The following RYR3 variants were observed in gnomAD, a reference collection of about 807,000 sequenced individuals.
The protein encoded by RYR3 is ryanodine receptor 3.
Under a neutral mutation model 584.3 loss-of-function variants are expected in RYR3, and 207 were observed. The observed-to-expected ratio is 0.35, with a 90% CI of 0.32 to 0.40. RYR3 has a LOEUF of 0.40. RYR3 is among the 10% of genes least tolerant of loss of function. The probability of loss-of-function intolerance (pLI) is 1.00; values close to 1 mark genes in which losing one functional copy is unlikely to be tolerated. For missense variants in RYR3, 5,616 were observed against 6,089.2 expected, an observed-to-expected ratio of 0.92 and a Z score of 2.59; for synonymous variants, 2,416 against 2,248.5, an observed-to-expected ratio of 1.07 and a Z score of -2.11.
chr15:33,707,067 T>G lies in RYR3; in HGVS notation c.6619+13T>G. On this transcript the variant is annotated intron_variant, in intron 43 of 103. Coordinates refer to ENST00000634891, the MANE Select transcript of RYR3 (RefSeq NM_001036.6). Reference sequence around the variant, plus strand: ...GTCTTCGTGAACAGTGAGTCCCACATTTTTCCATACCTCTTATACCCAGAA... The same window carrying G: ...GTCTTCGTGAACAGTGAGTCCCACAGTTTTCCATACCTCTTATACCCAGAA... 1 of 1,613,388 alleles carries G rather than the reference T, an allele frequency of 6.2e-7. No individual in the cohort carries two copies. Among genetic ancestry groups the G allele is most frequent in the Non-Finnish European group, 8.5e-7 (1 of 1,179,474 alleles).
intron 24 of RYR3, among the ~76,000 whole-genome samples, chr15:33,634,151 A>G (rs1311781697): frequency 6.6e-6 from 1 of 152,116 alleles, no homozygotes. Context: ...TCCCGGGTTC[A>G]AGTGATTCTC....
At chr15:33,839,061 C>CT (rs1722752579) in intron 89 of RYR3, 103 bp downstream of exon 89, 1 of 1,366,690 alleles carries the variant, frequency 7.3e-7, no homozygotes, top group Non-Finnish European at 9.9e-7. Flanking sequence ...AGCCAACACT[C>CT]TATGTTAGAC....
chr15:33,743,335 A>G (rs1387384506), intron 52 of RYR3, among the ~76,000 whole-genome samples: 1 of 152,194 alleles, frequency 6.6e-6, no homozygotes, highest in African/African-American at 2.4e-5. Context: ...GAGTTGGCAA[A>G]TCTGTTCTGT....
intron 8 of RYR3, among the ~76,000 whole-genome samples, chr15:33,545,797 A>G (rs538474637): frequency 1.1e-4 from 17 of 152,266 alleles, no homozygotes; most frequent in African/African-American, 3.8e-4. Flanking sequence ...AGCAGCCACT[A>G]AGGCATGCAG....
intron 3 of RYR3, among the ~76,000 whole-genome samples, chr15:33,509,388 T>A (rs1393713034): frequency 6.6e-6 from 1 of 152,210 alleles, no homozygotes. Flanking sequence ...CCATCCAGAT[T>A]TAGCATCTCA....
chr15:33,434,175 T>C (rs1328484375), intron 1 of RYR3, among the ~76,000 whole-genome samples: 1 of 152,232 alleles, frequency 6.6e-6, no homozygotes, highest in Non-Finnish European at 1.5e-5. Context: ...TCCTAAGTTG[T>C]GCCTGAGAGA....
chr15:33,444,444 G>A (rs1417735908), intron 1 of RYR3, among the ~76,000 whole-genome samples: 2 of 152,198 alleles, frequency 1.3e-5, no homozygotes, highest in East Asian at 3.9e-4. Flanking sequence ...GGTTATGTTT[G>A]TTCAGTGGCT....
intron 64 of RYR3, among the ~76,000 whole-genome samples, 175 bp from the exon 65 acceptor site, chr15:33,780,036 A>G (rs1451316258): frequency 1.3e-5 from 2 of 152,160 alleles, no homozygotes; most frequent in Non-Finnish European, 1.5e-5. Flanking sequence ...GGATCTAAGC[A>G]GTGAGAGCAT....
chr15:33,407,717 G>A (rs886577741), intron 1 of RYR3, among the ~76,000 whole-genome samples: 1 of 152,146 alleles, frequency 6.6e-6, no homozygotes, highest in African/African-American at 2.4e-5. Flanking sequence ...CTTGACCTAT[G>A]GTAGTGGAAG....
intron 22 of RYR3, among the ~76,000 whole-genome samples, 172 bp from the exon 23 acceptor site, chr15:33,631,038 T>A (rs1170041872): frequency 6.6e-6 from 1 of 152,178 alleles, no homozygotes; most frequent in Non-Finnish European, 1.5e-5. Flanking sequence ...GACAGAGACA[T>A]ATGGCTCACA....
intron 43 of RYR3, among the ~76,000 whole-genome samples, chr15:33,721,725 G>A (rs1285740195): frequency 6.6e-6 from 1 of 152,076 alleles, no homozygotes; most frequent in South Asian, 2.1e-4. Context: ...TTGGCTCAGA[G>A]ATGAATTCTC....
chr15:33,401,141 CT>C (rs2141373493), intron 1 of RYR3, among the ~76,000 whole-genome samples: 1 of 152,246 alleles, frequency 6.6e-6, no homozygotes, highest in Non-Finnish European at 1.5e-5. Context: ...ATTTAGCGGT[CT>C]CTTCTGCTCG....
intron 76 of RYR3, 49 bp downstream of exon 76, chr15:33,818,733 T>C: frequency 7.5e-7 from 1 of 1,339,882 alleles, no homozygotes; most frequent in Non-Finnish European, 1.1e-6. Flanking sequence ...GGGATACTTG[T>C]GTCCACTCCT....
rs568303894 is a variant in RYR3, at chr15:33,620,370, G to A, written c.2358-3437G>A. 6.6e-4 allele frequency among the ~76,000 whole-genome samples: 100 copies of A among 152,256 alleles called. 1 individual carries two copies. The highest frequency in any genetic ancestry group is 1.2e-3 in the Non-Finnish European group (81 of 68,020). On this transcript the variant is annotated intron_variant, in intron 19 of 103. Transcript: ENST00000634891. ...TTCTCCCTAAAAGTTCTCTCCAAAG[G>A]AATTCTTTCCTTTATCCGTCTAGAG...
chr15:33,508,556 A>G (rs1039969148), intron 3 of RYR3, among the ~76,000 whole-genome samples: 1 of 152,190 alleles, frequency 6.6e-6, no homozygotes, highest in African/African-American at 2.4e-5. Flanking sequence ...AGGCTGAGGC[A>G]GGAGAATGGT....
chr15:33,767,387 T>C (rs1257536527), intron 60 of RYR3, among the ~76,000 whole-genome samples: 1 of 152,236 alleles, frequency 6.6e-6, no homozygotes, highest in Non-Finnish European at 1.5e-5. Flanking sequence ...CTGCCACGTT[T>C]CTGGTAACTT....
intron 43 of RYR3, among the ~76,000 whole-genome samples, chr15:33,716,531 C>T (rs1443208823): frequency 6.6e-6 from 1 of 152,078 alleles, no homozygotes; most frequent in African/African-American, 2.4e-5. Context: ...GCATCAAAGT[C>T]CAGAAATAAG....
chr15:33,524,074 C>T (rs559839655), intron 3 of RYR3, among the ~76,000 whole-genome samples: 8 of 152,232 alleles, frequency 5.3e-5, no homozygotes, highest in Admixed American at 2.6e-4. Flanking sequence ...TTTTAAAATG[C>T]TCGATTTCAT....
At chr15:33,457,553 G>A (rs1052298985) in intron 1 of RYR3, among the ~76,000 whole-genome samples, 14 of 152,254 alleles carry the variant, frequency 9.2e-5, no homozygotes, top group East Asian at 1.9e-4. Context: ...AGTAGAGTAT[G>A]GAATAGTGGT....
Sources: allele counts gnomAD v4.1 joint callset (sites outside exome capture counted in the v4.1 genomes callset), GRCh38; gene constraint gnomAD v4.1.1; transcripts MANE v1.5; gene names NCBI Gene and HGNC (gene_info 2026-07-23, HGNC 2026-07-21).